GNAQ: variants seen among roughly 807,000 people sequenced by gnomAD.
The protein encoded by GNAQ is guanine nucleotide-binding protein G(q) subunit alpha.
A neutral mutation model predicts 43.9 loss-of-function variants in GNAQ; 8 were observed. That is an observed-to-expected ratio of 0.18 (90% CI 0.11 to 0.33). GNAQ has a LOEUF of 0.33. GNAQ is among the 10% of genes least tolerant of loss of function. The pLI is 1.00. For missense variants in GNAQ, 158 were observed against 450.8 expected (o/e 0.35, Z 5.88); for synonymous variants, 155 against 170.7 (o/e 0.91, Z 0.71).
chr9:77,733,436 C>T (rs3780299), intron 5 of GNAQ, among the ~76,000 whole-genome samples: 122,915 of 152,154 alleles, frequency 0.81, 49,853 homozygotes, highest in Admixed American at 0.87. Flanking sequence ...TGAGCCCCTA[C>T]ACAAATGGTC....
intron 6 of GNAQ, among the ~76,000 whole-genome samples, chr9:77,724,907 T>C (rs1003466576): frequency 6.6e-6 from 1 of 151,864 alleles, no homozygotes; most frequent in Admixed American, 6.6e-5. Context: ...TCCATCTTTT[T>C]CAATGTACTA....
intron 3 of GNAQ, among the ~76,000 whole-genome samples, chr9:77,811,301 AT>A (rs1369815401): frequency 1.3e-5 from 2 of 150,716 alleles, no homozygotes; most frequent in Non-Finnish European, 3.0e-5. Flanking sequence ...GATAGGAACA[AT>A]TATAAAGATA....
At chr9:77,740,352 T>G (rs945639422) in intron 5 of GNAQ, among the ~76,000 whole-genome samples, 1 of 152,220 alleles carries the variant, frequency 6.6e-6, no homozygotes, top group South Asian at 2.1e-4. Flanking sequence ...AAGTTTTCTC[T>G]CTTCCCTTTG....
chr9:77,939,197 A>C lies in GNAQ; in HGVS notation c.137-16852T>G, dbSNP rs562218469. Among the ~76,000 whole-genome samples the C allele has an allele frequency of 6.6e-5, 10 of 152,320 alleles. No individual in the cohort carries two copies. The East Asian group carries it at 1.7e-3, about 26-fold the overall frequency. ...ATGAGGGGCAAGGAAGGTTCTAGAA[A>C]TGTTGAATAAATACACACATTTACA... is the stretch of plus-strand genomic sequence containing the variant. On this transcript the variant is annotated intron_variant, in intron 1 of 6. Coordinates refer to ENST00000286548, the MANE Select transcript of GNAQ (RefSeq NM_002072.5).
chr9:77,846,663 G>T (rs73453746), intron 2 of GNAQ, among the ~76,000 whole-genome samples: 12,487 of 152,150 alleles, frequency 0.082, 617 homozygotes, highest in South Asian at 0.17. Context: ...AAATGCAGCA[G>T]AGAGTGAAGC....
At chr9:77,721,742 T>C (rs1265094982) in intron 6 of GNAQ, among the ~76,000 whole-genome samples, 4 of 152,200 alleles carry the variant, frequency 2.6e-5, no homozygotes, top group Non-Finnish European at 5.9e-5. Flanking sequence ...ACAGATGACT[T>C]GAAAGCCAAG....
At chr9:77,959,624 G>A (rs1056130029) in intron 1 of GNAQ, among the ~76,000 whole-genome samples, 1 of 152,226 alleles carries the variant, frequency 6.6e-6, no homozygotes, top group South Asian at 2.1e-4. Context: ...TTATAGCACA[G>A]TATATTTTGT....
intron 2 of GNAQ, among the ~76,000 whole-genome samples, chr9:77,903,598 T>C (rs983556348): frequency 2.6e-5 from 4 of 152,144 alleles, no homozygotes; most frequent in African/African-American, 7.2e-5. Context: ...CTCTATCTGG[T>C]TGACAGGCAG....
chr9:77,785,318 AAAG>A (rs1564109949), intron 5 of GNAQ, among the ~76,000 whole-genome samples: 1 of 152,172 alleles, frequency 6.6e-6, no homozygotes, highest in East Asian at 1.9e-4. Context: ...TGGAAGAGAA[AAAG>A]AAGAGATTCT....
At chr9:77,933,517 C>G (rs573767525) in intron 1 of GNAQ, among the ~76,000 whole-genome samples, 1 of 151,944 alleles carries the variant, frequency 6.6e-6, no homozygotes. Context: ...GGGTGGTGCA[C>G]GCCTGTGGTC....
At chr9:77,916,948 T>G (rs370900941) in intron 2 of GNAQ, among the ~76,000 whole-genome samples, 7 of 152,150 alleles carry the variant, frequency 4.6e-5, no homozygotes, top group Admixed American at 3.3e-4. Flanking sequence ...CACCCTTATT[T>G]CACAGTTCAT....
At position 77,721,085 on chromosome 9, in the gene GNAQ, TA is replaced by T. The variant is rs1481399800; in HGVS notation, c.*237del. 1.5e-4 allele frequency: 60 copies of T among 389,558 alleles called. No individual in the cohort carries two copies. The highest frequency in any genetic ancestry group is 2.7e-4 in the East Asian group (7 of 25,808). 24.1% of individuals were successfully genotyped at this position (389,558 alleles called of 1,614,324 possible). A position where few individuals can be genotyped will look rare whatever the true frequency, so the allele number is the denominator to read the frequency against. ...ATACACTGAGTCACAAGGTTTTGCC[TA>T]AAAAAAAGATAGAGAGGAAATGTGC... On this transcript the variant is annotated 3_prime_UTR_variant, in exon 7 of 7. Transcript: ENST00000286548.
At chr9:77,831,872 C>T (rs887800878) in intron 2 of GNAQ, among the ~76,000 whole-genome samples, 1 of 152,116 alleles carries the variant, frequency 6.6e-6, no homozygotes, top group African/African-American at 2.4e-5. Context: ...TATATACCTG[C>T]CTTCAGTTTT....
At chr9:77,779,526 G>A (rs1219265533) in intron 5 of GNAQ, among the ~76,000 whole-genome samples, 3 of 151,498 alleles carry the variant, frequency 2.0e-5, no homozygotes, top group Non-Finnish European at 4.4e-5. Context: ...AAGTAAATCC[G>A]AAGTATGCAG....
intron 5 of GNAQ, among the ~76,000 whole-genome samples, chr9:77,787,679 G>T (rs1826503477): frequency 6.6e-6 from 1 of 152,152 alleles, no homozygotes; most frequent in Non-Finnish European, 1.5e-5. Flanking sequence ...AATTCTTGAA[G>T]AAAACACAGA....
At chr9:77,806,407 G>A (rs1042273938) in intron 3 of GNAQ, among the ~76,000 whole-genome samples, 3 of 152,192 alleles carry the variant, frequency 2.0e-5, no homozygotes, top group Non-Finnish European at 4.4e-5. Context: ...TGTGTTAGAT[G>A]GAGGGAGATT....
At chr9:77,723,367 C>G (rs1825348664) in intron 6 of GNAQ, among the ~76,000 whole-genome samples, 2 of 152,178 alleles carry the variant, frequency 1.3e-5, no homozygotes, top group South Asian at 4.1e-4. Context: ...AACCATATGA[C>G]CGACCCTGCT....
intron 1 of GNAQ, among the ~76,000 whole-genome samples, chr9:77,996,803 T>G (rs1823575699): frequency 6.6e-6 from 1 of 152,214 alleles, no homozygotes; most frequent in Non-Finnish European, 1.5e-5. Flanking sequence ...AACCCTTATA[T>G]TTCACAGGAT....
intron 1 of GNAQ, among the ~76,000 whole-genome samples, chr9:78,011,917 C>A (rs1823776651): frequency 6.6e-6 from 1 of 152,062 alleles, no homozygotes; most frequent in South Asian, 2.1e-4. Flanking sequence ...AGGCAAGATC[C>A]TTGAAATGAA....
Sources: gnomAD v4.1 joint callset for allele counts (sites outside exome capture counted in the v4.1 genomes callset) on GRCh38, gnomAD v4.1.1 for gene constraint, MANE v1.5 for transcripts, NCBI Gene and HGNC (gene_info 2026-07-23, HGNC 2026-07-21) for gene names.